Variants in MSRA observed in about 807,000 individuals in gnomAD.
MSRA encodes methionine sulfoxide reductase A.
MSRA carries 54 observed loss-of-function variants against 31.3 expected under a neutral mutation model. The ratio of observed to expected loss-of-function variants is 1.73; its 90% CI spans 1.39 to 2.17. The LOEUF is 2.17. Ranked by LOEUF, MSRA falls within the 30% of genes most tolerant of loss-of-function variation. The pLI is 0.00. For missense variants in MSRA, 507 were observed against 300.9 expected (o/e 1.69, Z -5.07); for synonymous variants, 169 against 116.5 (o/e 1.45, Z -2.90).
intron 1 of MSRA, among the ~76,000 whole-genome samples, chr8:10,122,234 T>G (rs1016969964): frequency 1.5e-4 from 23 of 152,026 alleles, no homozygotes; most frequent in Non-Finnish European, 2.1e-4. Flanking sequence ...AGGGCTGAGG[T>G]GGGTTCCTGA....
chr8:10,091,848 C>G (rs1275388338), intron 1 of MSRA, among the ~76,000 whole-genome samples: 3 of 152,150 alleles, frequency 2.0e-5, no homozygotes, highest in South Asian at 4.1e-4. Context: ...CTCAGGCAAT[C>G]TGCTTGGCTT....
intron 3 of MSRA, among the ~76,000 whole-genome samples, chr8:10,285,320 A>G (rs1369429109): frequency 6.6e-6 from 1 of 152,194 alleles, no homozygotes; most frequent in Non-Finnish European, 1.5e-5. Context: ...AGCTTTCTAA[A>G]GCATTTCCCT....
At chr8:10,259,645 GTTGATA>G (rs1798365799) in intron 3 of MSRA, among the ~76,000 whole-genome samples, 1 of 152,162 alleles carries the variant, frequency 6.6e-6, no homozygotes, top group Non-Finnish European at 1.5e-5. Flanking sequence ...AAAATAATAT[GTTGATA>G]TTCCCCTCCA....
intron 5 of MSRA, among the ~76,000 whole-genome samples, chr8:10,407,914 A>G (rs1456697326): frequency 3.9e-5 from 6 of 152,246 alleles, no homozygotes; most frequent in Admixed American, 6.5e-5. Context: ...TAAGGATCAC[A>G]TCAATCTTTA....
intron 5 of MSRA, among the ~76,000 whole-genome samples, chr8:10,363,738 CCACACACACA>C (rs71203319): frequency 5.8e-5 from 6 of 103,366 alleles, no homozygotes; most frequent in African/African-American, 1.3e-4. Context: ...GATGCAGTCA[CCACACACACA>C]CACACACACA....
At chr8:10,409,423 C>A (rs555091334) in intron 5 of MSRA, among the ~76,000 whole-genome samples, 1 of 152,134 alleles carries the variant, frequency 6.6e-6, no homozygotes, top group South Asian at 2.1e-4. Flanking sequence ...TCTTGTCACA[C>A]GGGGACATGG....
chr8:10,200,370 G>C (rs1808389990), intron 1 of MSRA, among the ~76,000 whole-genome samples: 1 of 152,182 alleles, frequency 6.6e-6, no homozygotes, highest in African/African-American at 2.4e-5. Flanking sequence ...ATGGTCCCTG[G>C]TCACCATGGG....
At chr8:10,148,388 C>T (rs988000797) in intron 1 of MSRA, among the ~76,000 whole-genome samples, 4 of 151,454 alleles carry the variant, frequency 2.6e-5, no homozygotes, top group Non-Finnish European at 4.4e-5. Flanking sequence ...TGGCTCATGC[C>T]TGTAATCCCA....
At chr8:10,334,542 T>C (rs1439207029) in intron 5 of MSRA, among the ~76,000 whole-genome samples, 2 of 152,218 alleles carry the variant, frequency 1.3e-5, no homozygotes, top group Admixed American at 1.3e-4. Flanking sequence ...TTCCCGTTGA[T>C]TGTGTCGCAG....
intron 5 of MSRA, among the ~76,000 whole-genome samples, chr8:10,374,176 G>T (rs1377184252): frequency 6.6e-6 from 1 of 152,194 alleles, no homozygotes; most frequent in Non-Finnish European, 1.5e-5. Flanking sequence ...GATCCGTTTG[G>T]TCCCAGAACA....
At chr8:10,157,756 TC>T (rs952827609) in intron 1 of MSRA, among the ~76,000 whole-genome samples, 57 of 151,984 alleles carry the variant, frequency 3.8e-4, no homozygotes, top group African/African-American at 1.4e-3. Context: ...TAGGCCTCTC[TC>T]CCCCTCTCTC....
intron 1 of MSRA, among the ~76,000 whole-genome samples, chr8:10,166,314 G>T (rs1423242441): frequency 2.6e-5 from 4 of 152,158 alleles, no homozygotes; most frequent in Non-Finnish European, 4.4e-5. Context: ...GTGCATTTTG[G>T]CATAATGGTG....
At chr8:10,242,244 C>A (rs896439474) in intron 2 of MSRA, among the ~76,000 whole-genome samples, 1 of 150,004 alleles carries the variant, frequency 6.7e-6, no homozygotes, top group Non-Finnish European at 1.5e-5. Context: ...GAACTCCAGC[C>A]TGGGTGACAG....
chr8:10,073,472 ATATT>A (rs1454478391), intron 1 of MSRA, among the ~76,000 whole-genome samples: 1 of 152,154 alleles, frequency 6.6e-6, no homozygotes, highest in Non-Finnish European at 1.5e-5. Context: ...AAAACCTAAA[ATATT>A]TATTATCTGG....
rs148143697 is a variant in MSRA, at chr8:10,373,592, G to A, written c.543+53603G>A. Among the ~76,000 whole-genome samples the A allele has an allele frequency of 2.0e-3, 310 of 152,372 alleles. 2 individuals carry two copies. The highest frequency in any genetic ancestry group is 7.1e-3 in the African/African-American group (295 of 41,600). On this transcript the variant is annotated intron_variant, in intron 5 of 5. Coordinates refer to ENST00000317173, the MANE Select transcript of MSRA (RefSeq NM_012331.5). ...TTGCTGCCTTTGTGGGCCCCATGGG[G>A]GAAGCAGGGCAGGAACTGGGCCTGG...
chr8:10,411,377 A>G (rs1808150019), intron 5 of MSRA: 1 of 152,202 alleles, frequency 6.6e-6, no homozygotes, highest in Non-Finnish European at 1.5e-5. Flanking sequence ...TTCACTGCGT[A>G]TTCTTAACCA....
intron 5 of MSRA, among the ~76,000 whole-genome samples, chr8:10,339,534 T>TC (rs1317128514): frequency 4.0e-4 from 18 of 45,116 alleles, no homozygotes; most frequent in East Asian, 1.7e-3. Flanking sequence ...TTTCTTTCTT[T>TC]TTTTTTTTTT....
chr8:10,167,683 G>T (rs1805258757), intron 1 of MSRA, among the ~76,000 whole-genome samples: 1 of 152,134 alleles, frequency 6.6e-6, no homozygotes, highest in African/African-American at 2.4e-5. Context: ...TAACCTTTGT[G>T]CTGTGTCTTA....
chr8:10,354,921 T>G (rs991078562), intron 5 of MSRA, among the ~76,000 whole-genome samples: 15 of 152,174 alleles, frequency 9.9e-5, no homozygotes, highest in Non-Finnish European at 1.5e-5. Context: ...GCTGCCGTGA[T>G]GAGCATACTT....
Sources: allele counts gnomAD v4.1 joint callset (sites outside exome capture counted in the v4.1 genomes callset), GRCh38; gene constraint gnomAD v4.1.1; transcripts MANE v1.5; gene names NCBI Gene and HGNC (gene_info 2026-07-23, HGNC 2026-07-21).